Variants in CLDN14 observed in about 807,000 individuals in gnomAD.
The protein encoded by CLDN14 is claudin 14.
Under a neutral mutation model 2.1 loss-of-function variants are expected in CLDN14, and 2 were observed. That is an observed-to-expected ratio of 0.96 (90% CI 0.39 to 3.01). The LOEUF (loss-of-function observed/expected upper bound fraction) is 3.01, where lower values mean the gene tolerates loss of function less well. CLDN14 is among the 30% of genes most tolerant of loss of function. The pLI is 0.09. For missense variants in CLDN14, 298 were observed against 328.0 expected, an observed-to-expected ratio of 0.91 and a Z score of 0.71; for synonymous variants, 136 against 154.4, an observed-to-expected ratio of 0.88 and a Z score of 0.88.
At chr21:36,515,947 A>G (rs1282460614) in intron 1 of CLDN14, among the ~76,000 whole-genome samples, 1 of 151,296 alleles carries the variant, frequency 6.6e-6, no homozygotes, top group Non-Finnish European at 1.5e-5. Context: ...CCACCATGCC[A>G]GGCTAATTTT....
At chr21:36,464,606 C>T (rs2086622608) in intron 1 of CLDN14, among the ~76,000 whole-genome samples, 1 of 152,178 alleles carries the variant, frequency 6.6e-6, no homozygotes, top group Non-Finnish European at 1.5e-5. Flanking sequence ...GAGGTGCTGG[C>T]AACAAGGCCA....
chr21:36,520,932 C>T (rs1428851830), intron 1 of CLDN14, among the ~76,000 whole-genome samples: 1 of 152,094 alleles, frequency 6.6e-6, no homozygotes, highest in African/African-American at 2.4e-5. Context: ...TGCAGAATGA[C>T]CCCCGTGGGG....
intron 1 of CLDN14, among the ~76,000 whole-genome samples, chr21:36,473,785 A>G (rs1376036995): frequency 2.6e-5 from 4 of 152,176 alleles, no homozygotes; most frequent in Non-Finnish European, 5.9e-5. Context: ...AGGGATGAGG[A>G]TAGAGGTAGG....
intron 1 of CLDN14, among the ~76,000 whole-genome samples, chr21:36,467,139 T>C (rs188115205): frequency 6.6e-6 from 1 of 151,216 alleles, no homozygotes; most frequent in Admixed American, 6.6e-5. Context: ...AGGGAGGGGG[T>C]TTTTCTGTGT....
chr21:36,491,171 A>G lies in CLDN14; in HGVS notation c.-82+19192T>C, dbSNP rs147748620. ...CAACCCTCACCCCAGCAAACTAATTAGGGTCAATGTGATTAAAGGGCTCAG... is the reference window on the plus strand; with the variant it reads ...CAACCCTCACCCCAGCAAACTAATTGGGGTCAATGTGATTAAAGGGCTCAG... On this transcript the variant is annotated intron_variant, in intron 2 of 2. Transcript: ENST00000342108. Among the ~76,000 whole-genome samples the G allele has an allele frequency of 3.0e-4, 46 of 152,294 alleles. 1 individual carries two copies. The East Asian group carries it at 6.2e-3, about 20-fold the overall frequency.
intron 2 of CLDN14, among the ~76,000 whole-genome samples, chr21:36,494,760 G>T (rs1441017038): frequency 6.6e-6 from 1 of 152,224 alleles, no homozygotes; most frequent in Non-Finnish European, 1.5e-5. Context: ...AACCCACCCT[G>T]TGGGTGCCTT....
chr21:36,466,764 CA>C (rs1050273029), intron 1 of CLDN14, among the ~76,000 whole-genome samples: 119 of 152,292 alleles, frequency 7.8e-4, no homozygotes, highest in African/African-American at 2.6e-3. Context: ...AGCATTAACT[CA>C]AAAGTCCAAG....
chr21:36,485,435 C>T (rs2086885485), intron 2 of CLDN14, among the ~76,000 whole-genome samples: 1 of 152,150 alleles, frequency 6.6e-6, no homozygotes, highest in African/African-American at 2.4e-5. Context: ...TCTTGAACTC[C>T]TGATCTCAAG....
chr21:36,502,692 C>A (rs2087101197), intron 2 of CLDN14, among the ~76,000 whole-genome samples: 1 of 152,136 alleles, frequency 6.6e-6, no homozygotes, highest in Admixed American at 6.6e-5. Flanking sequence ...CCAATATTTC[C>A]TTAAATATCA....
At chr21:36,570,394 T>C (rs1042187291) in intron 1 of CLDN14, among the ~76,000 whole-genome samples, 4 of 152,188 alleles carry the variant, frequency 2.6e-5, no homozygotes, top group African/African-American at 9.7e-5. Flanking sequence ...CATGTCCGAC[T>C]CCCTCTTCCC....
At chr21:36,500,607 T>C (rs2087084480) in intron 2 of CLDN14, among the ~76,000 whole-genome samples, 1 of 152,118 alleles carries the variant, frequency 6.6e-6, no homozygotes, top group South Asian at 2.1e-4. Context: ...AATTTTAGTA[T>C]TTTTAGTAGA....
chr21:36,525,306 G>A (rs1167207174), intron 1 of CLDN14, among the ~76,000 whole-genome samples: 3 of 152,130 alleles, frequency 2.0e-5, no homozygotes, highest in Admixed American at 2.0e-4. Flanking sequence ...GGAGGGATCA[G>A]TGAGCTTCAA....
At chr21:36,545,252 A>G (rs2087519179) in intron 1 of CLDN14, among the ~76,000 whole-genome samples, 1 of 152,230 alleles carries the variant, frequency 6.6e-6, no homozygotes, top group Non-Finnish European at 1.5e-5. Flanking sequence ...AAAGCGTTTT[A>G]AGGTGGAGTG....
chr21:36,480,828 C>T (rs539628952), upstream of CLDN14: 1 of 152,182 alleles, frequency 6.6e-6, no homozygotes, highest in Admixed American at 6.5e-5. Context: ...CATCAATCCG[C>T]CGGGCTCTGG....
At chr21:36,506,942 G>C (rs1030992270) in intron 2 of CLDN14, among the ~76,000 whole-genome samples, 1 of 151,858 alleles carries the variant, frequency 6.6e-6, no homozygotes, top group African/African-American at 2.4e-5. Context: ...AACACAGCAA[G>C]ACCCTGTCTC....
At chr21:36,566,890 A>G (rs1401278520) in intron 1 of CLDN14, among the ~76,000 whole-genome samples, 1 of 152,186 alleles carries the variant, frequency 6.6e-6, no homozygotes, top group East Asian at 1.9e-4. Flanking sequence ...ATGGGTGAGG[A>G]GGCCGGAAGA....
At chr21:36,514,290 GC>G (rs2087207083) in intron 1 of CLDN14, among the ~76,000 whole-genome samples, 1 of 152,208 alleles carries the variant, frequency 6.6e-6, no homozygotes, top group Non-Finnish European at 1.5e-5. Flanking sequence ...AATATTAGCA[GC>G]CTCATGGGAG....
intron 1 of CLDN14, among the ~76,000 whole-genome samples, chr21:36,550,384 C>T (rs1016352557): frequency 1.3e-5 from 2 of 152,170 alleles, no homozygotes; most frequent in Non-Finnish European, 2.9e-5. Context: ...GTCGAATAAG[C>T]TCTTTACCTT....
At chr21:36,562,371 GAGGAAAC>G (rs1431851910) in intron 1 of CLDN14, among the ~76,000 whole-genome samples, 1 of 152,172 alleles carries the variant, frequency 6.6e-6, no homozygotes. Flanking sequence ...TGGGCACCAA[GAGGAAAC>G]AGGAAACACA....
Sources: gnomAD v4.1 joint callset for allele counts (sites outside exome capture counted in the v4.1 genomes callset) on GRCh38, gnomAD v4.1.1 for gene constraint, MANE v1.5 for transcripts, NCBI Gene and HGNC (gene_info 2026-07-23, HGNC 2026-07-21) for gene names.